The following RIPOR3 variants were observed in gnomAD, a reference collection of about 807,000 sequenced individuals.
RIPOR3 encodes RIPOR family member 3, also known as family with sequence similarity 65 member C.
A neutral mutation model predicts 114.3 loss-of-function variants in RIPOR3; 95 were observed. The observed-to-expected ratio is 0.83, with a 90% CI of 0.70 to 0.99. The LOEUF (loss-of-function observed/expected upper bound fraction) is 0.99. Ranked by LOEUF, RIPOR3 falls within the 50% of genes least tolerant of loss-of-function variation. The probability of loss-of-function intolerance (pLI) is 0.00; values close to 1 mark genes in which losing one functional copy is unlikely to be tolerated. For synonymous variants in RIPOR3, 575 were observed against 543.8 expected, an observed-to-expected ratio of 1.06 and a Z score of -0.80; for missense variants, 1,252 against 1,266.9, an observed-to-expected ratio of 0.99 and a Z score of 0.18.
chr20:50,654,665 C>G (rs749469807), intron 1 of RIPOR3, among the ~76,000 whole-genome samples: 10 of 152,106 alleles, frequency 6.6e-5, no homozygotes, highest in Non-Finnish European at 1.2e-4. Flanking sequence ...CTTATATCAG[C>G]TTTGTTCCAC....
intron 1 of RIPOR3, among the ~76,000 whole-genome samples, chr20:50,665,018 C>T (rs956304979): frequency 2.6e-5 from 4 of 152,184 alleles, no homozygotes; most frequent in Non-Finnish European, 5.9e-5. Flanking sequence ...AGGAGAATCA[C>T]TTGAACCCAG....
chr20:50,613,034 G>A (rs908343332), intron 4 of RIPOR3, among the ~76,000 whole-genome samples: 6 of 152,266 alleles, frequency 3.9e-5, no homozygotes, highest in African/African-American at 7.2e-5. Flanking sequence ...TTGAGGTTAC[G>A]GAGAGCTATG....
intron 1 of RIPOR3, among the ~76,000 whole-genome samples, chr20:50,638,774 A>G (rs550209021): frequency 2.2e-3 from 333 of 152,204 alleles, no homozygotes; most frequent in Non-Finnish European, 3.9e-3. Context: ...TCCCATCTCA[A>G]ACGTGCCTCA....
At chr20:50,642,989 G>A (rs1225483185) in intron 1 of RIPOR3, among the ~76,000 whole-genome samples, 7 of 151,870 alleles carry the variant, frequency 4.6e-5, no homozygotes, top group South Asian at 2.1e-4. Context: ...CAGAGGTTGC[G>A]GTGAGCCGAG....
At chr20:50,595,224 ATC>A (rs1430232892) in intron 16 of RIPOR3, 143 bp downstream of exon 16, 4 of 1,055,564 alleles carry the variant, frequency 3.8e-6, no homozygotes, top group Non-Finnish European at 5.5e-6. Context: ...AAGAGTGTGT[ATC>A]TCTGAGCCCA....
chr20:50,653,305 G>A (rs534363232), intron 1 of RIPOR3: 1 of 152,334 alleles, frequency 6.6e-6, no homozygotes, highest in East Asian at 1.9e-4. Flanking sequence ...GAAGTTGAGG[G>A]AGGGGAGAAT....
chr20:50,642,972 C>T lies in RIPOR3; in HGVS notation c.4-12116G>A, dbSNP rs188283159. 1.4e-3 allele frequency among the ~76,000 whole-genome samples: 212 copies of T among 151,436 alleles called. 1 individual carries two copies. The highest frequency in any genetic ancestry group is 6.8e-3 in the Middle Eastern group (2 of 294). Reference sequence around the variant, plus strand: ...CTGAGGCAGGAGAATTGCTTGAACCCGGGAGGCAGAGGTTGCGGTGAGCCG... The same window carrying T: ...CTGAGGCAGGAGAATTGCTTGAACCTGGGAGGCAGAGGTTGCGGTGAGCCG... On this transcript the variant is annotated intron_variant, in intron 1 of 21. Coordinates refer to ENST00000327979, the MANE Select transcript of RIPOR3 (RefSeq NM_001290268.2).
intron 1 of RIPOR3, among the ~76,000 whole-genome samples, chr20:50,658,032 T>C (rs1368548482): frequency 6.6e-6 from 1 of 152,248 alleles, no homozygotes; most frequent in Admixed American, 6.5e-5. Context: ...CCCAAAGTAC[T>C]GGGATTACAG....
At chr20:50,680,853 C>CAA (rs1452882553) in intron 1 of RIPOR3, among the ~76,000 whole-genome samples, 1 of 152,204 alleles carries the variant, frequency 6.6e-6, no homozygotes, top group Non-Finnish European at 1.5e-5. Flanking sequence ...GATACCCCCT[C>CAA]AACTCCAGAG....
intron 1 of RIPOR3, among the ~76,000 whole-genome samples, chr20:50,661,163 G>A (rs1490696306): frequency 2.0e-5 from 3 of 151,792 alleles, no homozygotes; most frequent in African/African-American, 2.4e-5. Flanking sequence ...GCTTGAACGC[G>A]GGAGGCGGAG....
At chr20:50,601,614 T>C (rs1441527136) in intron 13 of RIPOR3, among the ~76,000 whole-genome samples, 1 of 152,184 alleles carries the variant, frequency 6.6e-6, no homozygotes, top group Admixed American at 6.5e-5. Flanking sequence ...GAAAGCCACC[T>C]GCCACCTAAG....
Position 50,686,403 on chromosome 20 carries a change from T to C in RIPOR3, c.3+4723A>G, listed in dbSNP as rs549494762. Reference sequence around the variant, plus strand: ...GGTGGCCCAGGGTGAGTATAGGAGCTACTGAGGTTTAAACTCAGGCGCGCC... The same window carrying C: ...GGTGGCCCAGGGTGAGTATAGGAGCCACTGAGGTTTAAACTCAGGCGCGCC... On this transcript the variant is annotated intron_variant, in intron 1 of 21. Transcript: ENST00000327979. Among the ~76,000 whole-genome samples the C allele has an allele frequency of 3.3e-5, 5 of 152,130 alleles. No individual in the cohort carries two copies. In the South Asian group the frequency reaches 1.0e-3, roughly 32 times the overall value.
At chr20:50,600,262 A>G (rs990457339) in intron 13 of RIPOR3, among the ~76,000 whole-genome samples, 4 of 152,194 alleles carry the variant, frequency 2.6e-5, no homozygotes, top group African/African-American at 9.7e-5. Flanking sequence ...AGAAAGTCAA[A>G]CCAAAAACCA....
In RIPOR3 at chr20:50,587,664, T is replaced by C. The variant is rs1241801129; in HGVS notation, c.2752+138A>G. The stretch of plus-strand genomic sequence containing the variant: ...TGCTACAAAGGGTGGAGGTCGGCTC[T>C]GTGCCAGGGCTGCTAACGGTGCCCA... On this transcript the variant is annotated intron_variant, in intron 21 of 21. Transcript: ENST00000327979. 7.7e-6 allele frequency: 6 copies of C among 775,636 alleles called. No individual in the cohort carries two copies. The East Asian group carries it at 1.6e-4, about 21-fold the overall frequency. The allele number at this position is 775,636 out of a possible 1,614,324, so 48.0% of individuals were successfully genotyped here.
intron 1 of RIPOR3, among the ~76,000 whole-genome samples, chr20:50,686,818 A>G (rs541893424): frequency 2.0e-5 from 3 of 152,004 alleles, no homozygotes; most frequent in Non-Finnish European, 2.9e-5. Context: ...TGCTGTGGGC[A>G]TGGTTCTCCT....
At chr20:50,687,860 G>A (rs1445283838) in intron 1 of RIPOR3, among the ~76,000 whole-genome samples, 1 of 150,394 alleles carries the variant, frequency 6.6e-6, no homozygotes, top group African/African-American at 2.5e-5. Flanking sequence ...CCATGATTAC[G>A]CCACTGTCCT....
intron 2 of RIPOR3, among the ~76,000 whole-genome samples, chr20:50,627,331 T>C (rs2084655762): frequency 2.1e-5 from 3 of 142,348 alleles, no homozygotes; most frequent in Admixed American, 7.1e-5. Flanking sequence ...TGAAACCCTG[T>C]CTCTACTAAA....
At position 50,690,643 on chromosome 20, in the gene RIPOR3, G is replaced by GA. The variant is rs759042051; in HGVS notation, c.3+482dup. ...AGGAGAGTTTAGCCAAAGCAAGTCA[G>GA]AAAAACCTAGGTCTTTTTTCGTTTC... On this transcript the variant is annotated intron_variant, in intron 1 of 21. Coordinates refer to ENST00000327979, the MANE Select transcript of RIPOR3 (RefSeq NM_001290268.2). Among the ~76,000 whole-genome samples, 117 of 152,084 alleles carry GA rather than the reference G, an allele frequency of 7.7e-4. 1 individual carries two copies. The highest frequency in any genetic ancestry group is 6.6e-4 in the Admixed American group (10 of 15,262).
At chr20:50,671,577 T>A in intron 1 of RIPOR3, among the ~76,000 whole-genome samples, 1 of 152,306 alleles carries the variant, frequency 6.6e-6, no homozygotes, top group Non-Finnish European at 1.5e-5. Flanking sequence ...TAGCAATAGA[T>A]AACTAATACA....
Sources: gnomAD v4.1 joint callset for allele counts (sites outside exome capture counted in the v4.1 genomes callset) on GRCh38, gnomAD v4.1.1 for gene constraint, MANE v1.5 for transcripts, NCBI Gene and HGNC (gene_info 2026-07-23, HGNC 2026-07-21) for gene names.